Variants in AKAP6 observed in about 807,000 individuals in gnomAD.
The protein encoded by AKAP6 is A-kinase anchor protein 6.
Under a neutral mutation model 188.5 loss-of-function variants are expected in AKAP6, and 58 were observed. The observed-to-expected ratio is 0.31, with a 90% CI of 0.25 to 0.38. The LOEUF is 0.38. AKAP6 is among the 10% of genes least tolerant of loss of function. AKAP6 has a pLI of 1.00. For missense variants in AKAP6, 2,710 were observed against 2,740.0 expected (o/e 0.99, Z 0.24); for synonymous variants, 989 against 998.6 (o/e 0.99, Z 0.18).
At chr14:32,638,164 T>C (rs1267567350) in intron 7 of AKAP6, among the ~76,000 whole-genome samples, 3 of 143,044 alleles carry the variant, frequency 2.1e-5, no homozygotes, top group African/African-American at 8.0e-5. Context: ...AAAGGGCTAG[T>C]GGGGATGTCA....
chr14:32,478,176 G>C (rs951303862), intron 2 of AKAP6, among the ~76,000 whole-genome samples: 3 of 152,172 alleles, frequency 2.0e-5, no homozygotes, highest in South Asian at 2.1e-4. Context: ...AGTTTTGGGT[G>C]CTCTTATTCA....
intron 1 of AKAP6, among the ~76,000 whole-genome samples, chr14:32,344,872 C>T (rs1337523227): frequency 6.8e-6 from 1 of 146,240 alleles, no homozygotes; most frequent in Non-Finnish European, 1.5e-5. Context: ...GCCGAGATAG[C>T]ACCACTACAC....
intron 7 of AKAP6, among the ~76,000 whole-genome samples, chr14:32,662,309 C>T (rs12896132): frequency 0.66 from 100,707 of 151,904 alleles, 34,535 homozygotes; most frequent in East Asian, 0.94. Flanking sequence ...TTAGGACTGA[C>T]TCTCAAGCTG....
intron 2 of AKAP6, among the ~76,000 whole-genome samples, chr14:32,441,639 G>T (rs1268360953): frequency 1.3e-5 from 2 of 150,268 alleles, no homozygotes; most frequent in African/African-American, 2.5e-5. Context: ...ATTAATGTTG[G>T]TGGTTCCTGG....
intron 7 of AKAP6, among the ~76,000 whole-genome samples, chr14:32,608,499 C>CAA (rs34523121): frequency 0.011 from 1,183 of 104,672 alleles, 24 homozygotes; most frequent in East Asian, 0.056. Context: ...GAGTCTGTCT[C>CAA]AAAAAAAAAA....
chr14:32,415,867 C>G (rs1236498211), intron 1 of AKAP6, among the ~76,000 whole-genome samples: 1 of 152,096 alleles, frequency 6.6e-6, no homozygotes, highest in Non-Finnish European at 1.5e-5. Flanking sequence ...ATCAGATTTT[C>G]CTTCCTTTTT....
chr14:32,599,513 C>A lies in AKAP6; in HGVS notation c.2566+7C>A, dbSNP rs1380255495. On this transcript the variant is annotated splice_region_variant and intron_variant, in intron 6 of 13. Transcript: ENST00000280979. The stretch of plus-strand genomic sequence containing the variant: ...ATTGCATCTCACAAAGCAGGTAAAT[C>A]CTCCTGAAATATTGCAAGTCTTTAC... 4.3e-6 allele frequency: 7 copies of A among 1,610,494 alleles called. No homozygotes were observed. Among genetic ancestry groups the A allele is most frequent in the Non-Finnish European group, 5.9e-6 (7 of 1,177,692 alleles).
At chr14:32,772,811 G>A (rs2032940625) in intron 11 of AKAP6, among the ~76,000 whole-genome samples, 1 of 152,204 alleles carries the variant, frequency 6.6e-6, no homozygotes, top group African/African-American at 2.4e-5. Context: ...GCAGTAGAAG[G>A]AGATTAGTAA....
chr14:32,724,697 AT>A (rs2030753650), intron 9 of AKAP6, among the ~76,000 whole-genome samples: 1 of 152,110 alleles, frequency 6.6e-6, no homozygotes. Flanking sequence ...AACAGGCAAA[AT>A]TTATAATAGA....
chr14:32,634,155 C>T (rs542781802), intron 7 of AKAP6, among the ~76,000 whole-genome samples: 5 of 151,746 alleles, frequency 3.3e-5, no homozygotes, highest in African/African-American at 1.2e-4. Context: ...GGTCCCAGTG[C>T]CAACTAGCTG....
intron 7 of AKAP6, among the ~76,000 whole-genome samples, chr14:32,638,906 A>C (rs2139482535): frequency 6.6e-6 from 1 of 152,182 alleles, no homozygotes; most frequent in Non-Finnish European, 1.5e-5. Flanking sequence ...GGAATGAATG[A>C]TATCTTATGG....
At chr14:32,753,652 T>C (rs1344495932) in intron 11 of AKAP6, among the ~76,000 whole-genome samples, 1 of 152,048 alleles carries the variant, frequency 6.6e-6, no homozygotes, top group Non-Finnish European at 1.5e-5. Flanking sequence ...ATTTTGGTTT[T>C]ATGTTTTACT....
rs185559080 is a variant in AKAP6 at position 32,344,322 on chromosome 14, C to T, written c.-35+14914C>T. On this transcript the variant is annotated intron_variant, in intron 1 of 13. Transcript: ENST00000280979. ...CTGAATATAACACCAATCCAACATG[C>T]ATTGATCTAATGCCTACATAGTGGC... 1.8e-3 allele frequency among the ~76,000 whole-genome samples: 269 copies of T among 152,306 alleles called. 2 individuals are homozygous for T. Among genetic ancestry groups the T allele is most frequent in the African/African-American group, 6.3e-3 (263 of 41,574 alleles).
rs749207920 is a variant in AKAP6, at chr14:32,822,907, T to C, written c.5094T>C (p.Ser1698=). ...AACTTAGCAGCAGTGACGAGCTCTC[T>C]CTTTGCTCAGAGGATATTGTGTTAC... The part of the protein sequence containing the change: ...LTELSSSDEL[S]LCSEDIVLHK... The change falls in exon 13 of 14, where the codon TCT becomes TCC. Residue 1698 remains serine, a synonymous_variant. Transcript: ENST00000280979. The C allele has an allele frequency of 9.3e-6, 15 of 1,613,902 alleles. No homozygotes were observed. Among genetic ancestry groups the C allele is most frequent in the Non-Finnish European group, 1.2e-5 (14 of 1,179,926 alleles).
chr14:32,651,117 C>T (rs1888204967), intron 7 of AKAP6, among the ~76,000 whole-genome samples: 1 of 152,148 alleles, frequency 6.6e-6, no homozygotes, highest in Admixed American at 6.5e-5. Flanking sequence ...ACTGACTGGT[C>T]ATAGGAATCT....
intron 7 of AKAP6, among the ~76,000 whole-genome samples, chr14:32,625,449 A>G (rs1473927099): frequency 6.6e-6 from 1 of 152,116 alleles, no homozygotes; most frequent in Non-Finnish European, 1.5e-5. Context: ...CTTGACAGCT[A>G]TAAATGTTTG....
At chr14:32,778,916 TA>T (rs58146403) in intron 12 of AKAP6, among the ~76,000 whole-genome samples, 2,317 of 149,210 alleles carry the variant, frequency 0.016, 61 homozygotes, top group African/African-American at 0.054. Flanking sequence ...TAGAATCATT[TA>T]AAAAAAAATA....
At chr14:32,615,652 G>A (rs1190379476) in intron 7 of AKAP6, among the ~76,000 whole-genome samples, 2 of 139,414 alleles carry the variant, frequency 1.4e-5, no homozygotes, top group Non-Finnish European at 3.0e-5. Context: ...CTGGAGTGCA[G>A]TGGCACGATA....
chr14:32,469,696 TA>T (rs1174744290), intron 2 of AKAP6, among the ~76,000 whole-genome samples: 107 of 143,052 alleles, frequency 7.5e-4, no homozygotes, highest in Non-Finnish European at 1.0e-3. Context: ...TGAGATCTGA[TA>T]TTTTTAATGT....
Sources: gnomAD v4.1 joint callset for allele counts (sites outside exome capture counted in the v4.1 genomes callset) on GRCh38, gnomAD v4.1.1 for gene constraint, MANE v1.5 for transcripts, NCBI Gene and HGNC (gene_info 2026-07-23, HGNC 2026-07-21) for gene names.